Variants in TNS1 observed in about 807,000 individuals in gnomAD.
TNS1 encodes tensin 1.
In TNS1, 62 loss-of-function variants were observed where a neutral mutation model predicts 168.6. The observed-to-expected ratio is 0.37, with a 90% CI of 0.30 to 0.45. The LOEUF is 0.45. Among genes scored for constraint, TNS1 ranks in the 20% least tolerant of loss-of-function variants. The pLI, the probability that TNS1 is intolerant of heterozygous loss-of-function variation, is 1.00. For missense variants in TNS1, 2,240 were observed against 2,339.4 expected, an observed-to-expected ratio of 0.96 and a Z score of 0.88; for synonymous variants, 934 against 933.2, an observed-to-expected ratio of 1.00 and a Z score of -0.02.
At chr2:217,907,084 A>G (rs940459281) in intron 5 of TNS1, 126 bp downstream of exon 5, 6 of 644,148 alleles carry the variant, frequency 9.3e-6, no homozygotes, top group Middle Eastern at 2.4e-4. Context: ...AGTTCCCCAA[A>G]TCTACTCCGG....
chr2:217,923,256 C>T (rs954316472), intron 3 of TNS1, among the ~76,000 whole-genome samples: 1 of 152,178 alleles, frequency 6.6e-6, no homozygotes, highest in Admixed American at 6.5e-5. Context: ...TCAGGTAAGC[C>T]CCCTTCCCCC....
chr2:217,937,658 G>A (rs570462205), intron 3 of TNS1, among the ~76,000 whole-genome samples: 15 of 152,148 alleles, frequency 9.9e-5, no homozygotes, highest in Non-Finnish European at 2.1e-4. Context: ...ACTGGGGGAC[G>A]CCCAGCAGAG....
At chr2:217,881,827 G>C (rs946344463) in intron 17 of TNS1, 2 of 152,332 alleles carry the variant, frequency 1.3e-5, no homozygotes, top group African/African-American at 4.8e-5. Flanking sequence ...TGGCTTGGCA[G>C]TCCTTTCTTT....
intron 21 of TNS1, among the ~76,000 whole-genome samples, chr2:217,833,289 C>T (rs1365058402): frequency 6.6e-6 from 1 of 152,230 alleles, no homozygotes; most frequent in Non-Finnish European, 1.5e-5. Flanking sequence ...CTGAATTCCT[C>T]GTTCCCCCAG....
chr2:217,991,460 T>A (rs1958364562), intron 1 of TNS1, among the ~76,000 whole-genome samples: 1 of 152,048 alleles, frequency 6.6e-6, no homozygotes, highest in East Asian at 1.9e-4. Flanking sequence ...TCATGGCTCC[T>A]CCCAGTCAGT....
chr2:217,835,164 G>C lies in TNS1; in HGVS notation c.3207C>G (p.Pro1069=), dbSNP rs201192830. 1.9e-6 allele frequency: 3 copies of C among 1,601,472 alleles called. No homozygotes were observed. Among genetic ancestry groups the C allele is most frequent in the African/African-American group, 1.3e-5 (1 of 74,128 alleles). The change falls in exon 21 of 33, where the codon CCC becomes CCG. Residue 1069 remains proline (P), a splice_region_variant and synonymous_variant. Coordinates refer to ENST00000682258, the MANE Select transcript of TNS1 (RefSeq NM_001387777.1). The part of the protein sequence containing the change: ...ALNPGGRPKE[P]HLHSYKEAFE... ...AGGCCTCCTTGTAGCTGTGCAAATGGGGCTGTGGGAGAACACAGGGGAGAA... is the reference window on the plus strand; with the variant it reads ...AGGCCTCCTTGTAGCTGTGCAAATGCGGCTGTGGGAGAACACAGGGGAGAA...
chr2:217,818,591 G>C lies in TNS1; in HGVS notation c.3741C>G (p.Ser1247Arg), dbSNP rs1195398322. The change falls in exon 24 of 33, where the codon AGC becomes AGG. Residue 1247 changes from serine (S) to arginine (R), a missense_variant. By Grantham distance (110) the Ser-to-Arg change is moderately radical (BLOSUM62 -1). Around this residue, in one of 2 missense-constraint regions of TNS1, gnomAD observed 2,131 missense variants for 2,171.2 expected, o/e 0.98. Coordinates refer to ENST00000682258, the MANE Select transcript of TNS1 (RefSeq NM_001387777.1). ...SSSPLPTVGS[S>R]YSSPDYSLQH... ...GAAGTGAGTAGTCGGGGCTGCTGTA[G>C]CTACTGCCCACAGTCGGGAGAGGAG... 5 of 1,614,252 alleles carry C rather than the reference G, an allele frequency of 3.1e-6. No homozygotes were observed. The Admixed American group carries it at 8.3e-5, about 27-fold the overall frequency.
chr2:217,989,488 G>C (rs1333751023), intron 2 of TNS1, among the ~76,000 whole-genome samples: 1 of 152,132 alleles, frequency 6.6e-6, no homozygotes, highest in South Asian at 2.1e-4. Context: ...GGGGGTGAAG[G>C]AGAGGGAAGC....
chr2:217,850,209 C>G (rs976209385), intron 18 of TNS1: 1 of 985,240 alleles, frequency 1.0e-6, no homozygotes. Context: ...AGCCCGGGGG[C>G]CCCTGAAGAA....
intron 23 of TNS1, among the ~76,000 whole-genome samples, chr2:217,819,357 G>A (rs373101947): frequency 1.6e-4 from 24 of 152,206 alleles, no homozygotes; most frequent in Non-Finnish European, 2.9e-4. Context: ...CCAGCCACTG[G>A]GGATGTGGCC....
intron 4 of TNS1, among the ~76,000 whole-genome samples, chr2:217,912,626 C>G (rs1954556191): frequency 6.6e-6 from 1 of 152,056 alleles, no homozygotes; most frequent in Non-Finnish European, 1.5e-5. Context: ...TCACTTGTTT[C>G]AAAAATAGAA....
intron 1 of TNS1, among the ~76,000 whole-genome samples, chr2:217,997,269 A>G (rs1279731491): frequency 6.6e-6 from 1 of 152,310 alleles, no homozygotes; most frequent in Admixed American, 6.5e-5. Context: ...ATTCAGCATC[A>G]ATACAATCCC....
At position 217,880,364 on chromosome 2, in the gene TNS1, C is replaced by T. The variant is rs2125642859; in HGVS notation, c.1429+534G>A. Among the ~76,000 whole-genome samples the T allele has an allele frequency of 6.6e-6, 1 of 152,294 alleles. No homozygotes were observed. The highest frequency in any genetic ancestry group is 2.1e-4 in the South Asian group (1 of 4,830). On this transcript the variant is annotated intron_variant, in intron 18 of 32. Transcript: ENST00000682258. The surrounding 1 kb of genome is among the most constrained non-coding windows in gnomAD (Gnocchi z 4.2). ...TATCAGTTTGTTCCCAGCTCTCAAA[C>T]ATTTTTGTTGGCTGTTGATGAAAGC...
rs766768435 is a variant in TNS1 at position 217,880,836 on chromosome 2, G to C, written c.1429+62C>G. On this transcript the variant is annotated intron_variant, in intron 18 of 32. Transcript: ENST00000682258. This position sits in a 1 kb window ranked among gnomAD's most constrained non-coding sequence, Gnocchi z 4.2. ...CTTGAAAGCAGGCCAAGAGAAGCAAGGTCATGTGAGCAGAGGCTGTGCAGT... is the reference window on the plus strand; with the variant it reads ...CTTGAAAGCAGGCCAAGAGAAGCAACGTCATGTGAGCAGAGGCTGTGCAGT... 1.4e-5 allele frequency: 18 copies of C among 1,291,500 alleles called. No homozygotes were observed. The highest frequency in any genetic ancestry group is 1.8e-5 in the Non-Finnish European group (16 of 889,972). The allele number at this position is 1,291,500 out of a possible 1,614,324, so 80.0% of individuals were successfully genotyped here.
rs531146733 is a variant in TNS1 at position 217,926,657 on chromosome 2, T to C, written c.187-6421A>G. The stretch of plus-strand genomic sequence containing the variant: ...CAAGTGGAATAACTAGTGGTAGTCA[T>C]TGTGGCAGCAAGTGTTCATTGCTAA... On this transcript the variant is annotated intron_variant, in intron 3 of 32. Transcript: ENST00000682258. Among the ~76,000 whole-genome samples, 21 of 152,352 alleles carry C rather than the reference T, an allele frequency of 1.4e-4. No homozygotes were observed. In the East Asian group the frequency reaches 4.0e-3, roughly 29 times the overall value.
intron 13 of TNS1, 88 bp from the exon 14 acceptor site, chr2:217,886,192 A>C: frequency 7.1e-7 from 1 of 1,411,748 alleles, no homozygotes; most frequent in South Asian, 1.2e-5. Context: ...AAAGAGAGAA[A>C]GGAAGGAAGA....
At chr2:217,870,918 G>A (rs760827909) in intron 18 of TNS1, among the ~76,000 whole-genome samples, 23 of 152,222 alleles carry the variant, frequency 1.5e-4, no homozygotes, top group Non-Finnish European at 2.9e-4. Context: ...CTTTTTACCC[G>A]CAAGGTCAGG....
At chr2:217,971,581 A>G (rs1957774585) in intron 3 of TNS1, among the ~76,000 whole-genome samples, 2 of 152,226 alleles carry the variant, frequency 1.3e-5, no homozygotes, top group Admixed American at 6.5e-5. Flanking sequence ...TCTCTCGGAT[A>G]AATATCTTGG....
intron 3 of TNS1, among the ~76,000 whole-genome samples, chr2:217,934,619 G>A (rs181907219): frequency 7.9e-5 from 12 of 152,282 alleles, no homozygotes; most frequent in Admixed American, 1.3e-4. Context: ...CCTGCCAAGC[G>A]TATCCCCACC....
Sources: allele counts gnomAD v4.1 joint callset (sites outside exome capture counted in the v4.1 genomes callset), GRCh38; gene constraint gnomAD v4.1.1; regional missense constraint gnomAD v4.1.1; non-coding constraint Gnocchi (gnomAD v3.1); transcripts MANE v1.5; gene names NCBI Gene and HGNC (gene_info 2026-07-23, HGNC 2026-07-21).